Variants in TMEM131L observed in about 807,000 individuals in gnomAD.
TMEM131L encodes the protein transmembrane 131 like, also known as transmembrane protein 131-like.
In TMEM131L, 54 loss-of-function variants were observed where a neutral mutation model predicts 192.2. The observed-to-expected ratio is 0.28, with a 90% confidence interval of 0.23 to 0.35. The LOEUF (loss-of-function observed/expected upper bound fraction) is 0.35. Among genes scored for constraint, TMEM131L ranks in the 10% least tolerant of loss-of-function variants. TMEM131L has a pLI of 1.00. For missense variants in TMEM131L, 1,888 were observed against 1,972.9 expected, an observed-to-expected ratio of 0.96 and a Z score of 0.82; for synonymous variants, 701 against 704.9, an observed-to-expected ratio of 0.99 and a Z score of 0.09.
At chr4:153,568,694 T>C (rs539237181) in intron 7 of TMEM131L, among the ~76,000 whole-genome samples, 1 of 152,348 alleles carries the variant, frequency 6.6e-6, no homozygotes, top group African/African-American at 2.4e-5. Flanking sequence ...TATGAAGATA[T>C]GACACACAGA....
At chr4:153,565,743 T>C (rs1561197218) in intron 7 of TMEM131L, among the ~76,000 whole-genome samples, 1 of 152,246 alleles carries the variant, frequency 6.6e-6, no homozygotes, top group Non-Finnish European at 1.5e-5. Context: ...AATTTACGTA[T>C]ATTAACATAG....
intron 3 of TMEM131L, among the ~76,000 whole-genome samples, chr4:153,512,815 T>C (rs1004446589): frequency 6.6e-6 from 1 of 152,204 alleles, no homozygotes; most frequent in Non-Finnish European, 1.5e-5. Context: ...GGTTTCACCA[T>C]GTTGGCCAAG....
intron 19 of TMEM131L, among the ~76,000 whole-genome samples, chr4:153,594,458 G>T (rs1731289739): frequency 6.6e-6 from 1 of 152,154 alleles, no homozygotes; most frequent in African/African-American, 2.4e-5. Flanking sequence ...TTTCCACTCA[G>T]TCATTCCGTG....
intron 3 of TMEM131L, among the ~76,000 whole-genome samples, chr4:153,515,113 A>G (rs554719174): frequency 6.6e-6 from 1 of 152,294 alleles, no homozygotes; most frequent in South Asian, 2.1e-4. Context: ...TGCTCAGCCT[A>G]CTTCACCCTT....
chr4:153,602,852 C>A, intron 23 of TMEM131L, 125 bp downstream of exon 23: 1 of 837,608 alleles, frequency 1.2e-6, no homozygotes, highest in Non-Finnish European at 1.9e-6. Flanking sequence ...GTTACTGCTT[C>A]AAGAACTGTG....
chr4:153,472,424 C>T (rs1263744459), intron 2 of TMEM131L, among the ~76,000 whole-genome samples: 2 of 152,102 alleles, frequency 1.3e-5, no homozygotes, highest in East Asian at 3.8e-4. Context: ...CCATAATAGT[C>T]ATATCCACAT....
chr4:153,558,118 A>G, intron 6 of TMEM131L, 140 bp from the exon 7 acceptor site: 3 of 480,932 alleles, frequency 6.2e-6, no homozygotes, highest in Admixed American at 6.6e-5. Flanking sequence ...GTAGACAAAG[A>G]TAAATAAAAT....
chr4:153,598,813 T>G, intron 21 of TMEM131L, 81 bp downstream of exon 21: 1 of 1,181,108 alleles, frequency 8.5e-7, no homozygotes, highest in Non-Finnish European at 1.1e-6. Flanking sequence ...ATTCTAAATT[T>G]TAAATTCTAA....
intron 2 of TMEM131L, among the ~76,000 whole-genome samples, chr4:153,467,516 C>T (rs1483895666): frequency 6.6e-6 from 1 of 152,268 alleles, no homozygotes; most frequent in African/African-American, 2.4e-5. Flanking sequence ...GGTGGGAACC[C>T]AGGCCACCTC....
chr4:153,617,852 A>C (rs1733099705), intron 26 of TMEM131L, among the ~76,000 whole-genome samples: 1 of 145,598 alleles, frequency 6.9e-6, no homozygotes, highest in Non-Finnish European at 1.5e-5. Context: ...ATTTTAGACG[A>C]GCTCTTCGTG....
At position 153,602,323 on chromosome 4, in the gene TMEM131L, G is replaced by T; in HGVS notation, c.2438G>T (p.Arg813Leu). 6.2e-7 allele frequency: 1 copy of T among 1,613,318 alleles called. No individual in the cohort carries two copies. The highest frequency in any genetic ancestry group is 8.5e-7 in the Non-Finnish European group (1 of 1,179,860). The change falls in exon 22 of 35, where the codon CGC becomes CTC. Residue 813 changes from arginine (R) to leucine (L), a missense_variant. Physicochemically the swap from Arg to Leu is moderately radical, Grantham distance 102. Transcript: ENST00000409959. ...HQFSLDPNTS[R>L]DISIVFTPDF... ...TTTTCCCTGGACCCAAACACATCCC[G>T]CGATATCAGCATTGTGTAAGCATTG...
intron 7 of TMEM131L, among the ~76,000 whole-genome samples, chr4:153,566,222 G>A (rs541722657): frequency 6.6e-6 from 1 of 151,298 alleles, no homozygotes; most frequent in African/African-American, 2.4e-5. Flanking sequence ...TGCAAGCTCC[G>A]CCTCCCAGGT....
intron 31 of TMEM131L, among the ~76,000 whole-genome samples, chr4:153,628,725 T>A (rs560318189): frequency 6.6e-6 from 1 of 152,352 alleles, no homozygotes; most frequent in East Asian, 1.9e-4. Context: ...CTACCTTTTT[T>A]TCTGTGAGAG....
At chr4:153,619,843 AG>A (rs1014871526) in intron 26 of TMEM131L, among the ~76,000 whole-genome samples, 41 of 152,308 alleles carry the variant, frequency 2.7e-4, no homozygotes, top group African/African-American at 9.6e-4. Context: ...TTCAGTCAGT[AG>A]GAAGGGGACT....
chr4:153,466,373 A>G lies in TMEM131L; in HGVS notation c.-25A>G, dbSNP rs968655236. 4.3e-5 allele frequency: 54 copies of G among 1,262,708 alleles called. No individual in the cohort carries two copies. Among genetic ancestry groups the G allele is most frequent in the East Asian group, 9.7e-5 (3 of 30,884 alleles). 78.2% of individuals were successfully genotyped at this position (1,262,708 alleles called of 1,614,324 possible). A position where few individuals can be genotyped will look rare whatever the true frequency, so the allele number is the denominator to read the frequency against. ...CGAGCTAGCGGCGAGCGCGGCGAGC[A>G]ACGGAGAGGAGCGCGAGCAGCAGCA... On this transcript the variant is annotated 5_prime_UTR_variant, in exon 1 of 35. Transcript: ENST00000409959.
At chr4:153,527,026 C>A (rs1430500603) in intron 3 of TMEM131L, among the ~76,000 whole-genome samples, 1 of 152,154 alleles carries the variant, frequency 6.6e-6, no homozygotes, top group Non-Finnish European at 1.5e-5. Context: ...ATGTTGAATG[C>A]ATGAGGTTAT....
intron 3 of TMEM131L, among the ~76,000 whole-genome samples, chr4:153,512,356 T>C (rs907282933): frequency 6.6e-6 from 1 of 152,226 alleles, no homozygotes; most frequent in Non-Finnish European, 1.5e-5. Context: ...TGTGAAGAAC[T>C]GTGGGCAAAG....
At chr4:153,511,156 G>C (rs1376864582) in intron 3 of TMEM131L, among the ~76,000 whole-genome samples, 1 of 152,170 alleles carries the variant, frequency 6.6e-6, no homozygotes, top group African/African-American at 2.4e-5. Flanking sequence ...AATATAAGTT[G>C]TTCTATCATA....
At chr4:153,510,800 T>A (rs1218735303) in intron 3 of TMEM131L, among the ~76,000 whole-genome samples, 1 of 151,996 alleles carries the variant, frequency 6.6e-6, no homozygotes, top group South Asian at 2.1e-4. Context: ...GTGGGAGGAT[T>A]GCCTGAGCTT....
Sources: allele counts gnomAD v4.1 joint callset (sites outside exome capture counted in the v4.1 genomes callset), GRCh38; gene constraint gnomAD v4.1.1; transcripts MANE v1.5; gene names NCBI Gene and HGNC (gene_info 2026-07-23, HGNC 2026-07-21).